The following CPNE2 variants were observed in gnomAD, a reference collection of about 807,000 sequenced individuals.
CPNE2 encodes the protein copine-2.
A neutral mutation model predicts 69.7 loss-of-function variants in CPNE2; 42 were observed. The ratio of observed to expected loss-of-function variants is 0.60; its 90% CI spans 0.47 to 0.78. The LOEUF is 0.78. Ranked by LOEUF, CPNE2 falls within the 30% of genes least tolerant of loss-of-function variation. CPNE2 has a pLI of 0.00. For missense variants in CPNE2, 587 were observed against 732.0 expected, an observed-to-expected ratio of 0.80 and a Z score of 2.29; for synonymous variants, 294 against 289.8, an observed-to-expected ratio of 1.01 and a Z score of -0.15.
intron 1 of CPNE2, among the ~76,000 whole-genome samples, chr16:57,109,775 A>G (rs2069669173): frequency 1.3e-5 from 2 of 152,190 alleles, no homozygotes; most frequent in African/African-American, 2.4e-5. Context: ...TTTATCAGCA[A>G]GGTCTTTATG....
In CPNE2 at chr16:57,119,665, G is replaced by GAT; in HGVS notation, c.681+15_681+16insAT. 1 of 1,581,200 alleles carries GAT rather than the reference G, an allele frequency of 6.3e-7. No homozygotes were observed. Among genetic ancestry groups the GAT allele is most frequent in the Non-Finnish European group, 8.6e-7 (1 of 1,159,564 alleles). On this transcript the variant is annotated intron_variant, in intron 7 of 15. Transcript: ENST00000290776. Reference sequence around the variant, plus strand: ...AGCCCATCCAGGTGAGGGGGCTCTGGGGACCCTGCTCCCCACCTTGCCAGC... The same window carrying GAT: ...AGCCCATCCAGGTGAGGGGGCTCTGGATGGACCCTGCTCCCCACCTTGCCAGC...
intron 9 of CPNE2, among the ~76,000 whole-genome samples, chr16:57,122,749 C>T (rs991201168): frequency 2.0e-5 from 3 of 152,062 alleles, no homozygotes; most frequent in Admixed American, 6.6e-5. Flanking sequence ...CATGCCACTA[C>T]GCCTGGCTAA....
intron 4 of CPNE2, among the ~76,000 whole-genome samples, chr16:57,117,177 G>A (rs1392702406): frequency 6.6e-6 from 1 of 152,042 alleles, no homozygotes; most frequent in Non-Finnish European, 1.5e-5. Flanking sequence ...CTGCTCTCTG[G>A]GCCAGAACCT....
intron 3 of CPNE2, 73 bp downstream of exon 3, chr16:57,113,540 C>T: frequency 2.1e-6 from 3 of 1,448,964 alleles, no homozygotes; most frequent in Non-Finnish European, 2.8e-6. Flanking sequence ...TCTTCTCGTG[C>T]TGTCTTTCCC....
At chr16:57,113,179 C>A in intron 2 of CPNE2, 109 bp from the exon 3 acceptor site, 1 of 1,017,156 alleles carries the variant, frequency 9.8e-7, no homozygotes, top group Non-Finnish European at 1.5e-6. Context: ...CCACAAGAGC[C>A]TGGCACAGAG....
In CPNE2 at chr16:57,146,373, T is replaced by C. The variant is rs2069958695; in HGVS notation, c.1539+52T>C. On this transcript the variant is annotated intron_variant, in intron 15 of 15. Coordinates refer to ENST00000290776, the MANE Select transcript of CPNE2 (RefSeq NM_152727.6). This position sits in a 1 kb window ranked among gnomAD's most constrained non-coding sequence, Gnocchi z 4.4. ...GGCGGTTACAGGATCCCAGCCACCA[T>C]AGCTCATAATCAAGCTTGAGAGTCT... The C allele has an allele frequency of 1.4e-6, 2 of 1,413,994 alleles. No homozygotes were observed. The highest frequency in any genetic ancestry group is 2.7e-5 in the South Asian group (2 of 73,976). 87.6% of individuals were successfully genotyped at this position (1,413,994 alleles called of 1,614,324 possible).
chr16:57,114,915 A>G (rs2069707042), intron 3 of CPNE2, among the ~76,000 whole-genome samples: 1 of 135,492 alleles, frequency 7.4e-6, no homozygotes, highest in Non-Finnish European at 1.5e-5. Context: ...TGAGCAACAT[A>G]ATGAGCCCTT....
At chr16:57,109,663 G>T (rs957037465) in intron 1 of CPNE2, among the ~76,000 whole-genome samples, 1 of 152,142 alleles carries the variant, frequency 6.6e-6, no homozygotes, top group East Asian at 1.9e-4. Context: ...CATGGCATTT[G>T]TAAACTGTCA....
intron 11 of CPNE2, among the ~76,000 whole-genome samples, chr16:57,126,548 G>A (rs111903952): frequency 4.6e-5 from 7 of 152,246 alleles, no homozygotes; most frequent in African/African-American, 1.4e-4. Context: ...GTGTGAAAGT[G>A]TGGCAGGTGT....
rs745934848 is a variant in CPNE2 at position 57,117,534 on chromosome 16, A to C, written c.474A>C (p.Thr158=). The C allele has an allele frequency of 3.7e-6, 6 of 1,613,754 alleles. No homozygotes were observed. Among genetic ancestry groups the C allele is most frequent in the Admixed American group, 1.7e-5 (1 of 59,994 alleles). The change falls in exon 5 of 16, where the codon ACA becomes ACC. Residue 158 remains threonine, a synonymous_variant. Transcript: ENST00000290776. ...AGCTGTCCGACAACCGCGTCATCACACTAAGCCTGGCGGGCAGGAGGCTGG... is the reference window on the plus strand; with the variant it reads ...AGCTGTCCGACAACCGCGTCATCACCCTAAGCCTGGCGGGCAGGAGGCTGG... ...AQELSDNRVI[T]LSLAGRRLDK...
chr16:57,103,734 C>G (rs1011373035), intron 1 of CPNE2, among the ~76,000 whole-genome samples: 4 of 152,218 alleles, frequency 2.6e-5, no homozygotes, highest in Non-Finnish European at 5.9e-5. Context: ...GCAGCTCCTC[C>G]CCGACAGTGA....
intron 3 of CPNE2, among the ~76,000 whole-genome samples, chr16:57,114,685 G>A (rs1320492081): frequency 6.6e-6 from 1 of 152,196 alleles, no homozygotes; most frequent in African/African-American, 2.4e-5. Flanking sequence ...GCTGGCCCCT[G>A]AGTGCAGTGG....
At position 57,146,301 on chromosome 16, in the gene CPNE2, C is replaced by G; in HGVS notation, c.1519C>G (p.Pro507Ala). ...EAARDIVQFV[P>A]FREFRNAAKE... ...AGCCCGCGATATTGTGCAGTTCGTT[C>G]CCTTTCGAGAGTTCCGCAACGTGAG... The change falls in exon 15 of 16, where the codon CCC becomes GCC. Residue 507 changes from proline (P) to alanine (A), a missense_variant. Physicochemically the swap from Pro to Ala is conservative, Grantham distance 27. This residue lies in a region of CPNE2 where 185 missense variants were observed against 252.3 expected (regional missense o/e 0.73). Coordinates refer to ENST00000290776, the MANE Select transcript of CPNE2 (RefSeq NM_152727.6). The surrounding 1 kb of genome is among the most constrained non-coding windows in gnomAD (Gnocchi z 4.4). 6.4e-7 allele frequency: 1 copy of G among 1,552,590 alleles called. No individual in the cohort carries two copies. The highest frequency in any genetic ancestry group is 8.7e-7 in the Non-Finnish European group (1 of 1,146,866).
chr16:57,135,408 C>T (rs752122283), intron 13 of CPNE2, among the ~76,000 whole-genome samples: 12 of 152,188 alleles, frequency 7.9e-5, no homozygotes, highest in Non-Finnish European at 1.6e-4. Context: ...GTGGCTCATG[C>T]CTGTAATCCC....
chr16:57,142,215 G>A (rs2069927416), intron 14 of CPNE2: 2 of 152,362 alleles, frequency 1.3e-5, no homozygotes, highest in Non-Finnish European at 2.9e-5. Context: ...GAGGCAGGGA[G>A]ACTAAGCCTG....
At chr16:57,133,730 C>T (rs2069855657) in intron 12 of CPNE2, among the ~76,000 whole-genome samples, 1 of 152,146 alleles carries the variant, frequency 6.6e-6, no homozygotes, top group African/African-American at 2.4e-5. Context: ...GCAGCCTGAC[C>T]TCAGTTCGAG....
At position 57,137,267 on chromosome 16, in the gene CPNE2, A is replaced by G. The variant is rs749474311; in HGVS notation, c.1287A>G (p.Gln429=). ...CCCGGTTTGCGGCCCAGGCCACACA[A>G]CAGCGGACGGCCACGGTGAGTAGGC... ...HVARFAAQAT[Q]QRTATQYFIL... Residue 429 remains glutamine, a synonymous_variant, in exon 14 of 16, where the codon CAA becomes CAG. Coordinates refer to ENST00000290776, the MANE Select transcript of CPNE2 (RefSeq NM_152727.6). 7 of 1,614,184 alleles carry G rather than the reference A, an allele frequency of 4.3e-6. No homozygotes were observed. In the East Asian group the frequency reaches 1.6e-4, roughly 36 times the overall value.
rs765367627 is a variant in CPNE2 at position 57,127,846 on chromosome 16, T to G, written c.1062-3T>G. The G allele has an allele frequency of 6.2e-7, 1 of 1,612,820 alleles. No individual in the cohort carries two copies. The highest frequency in any genetic ancestry group is 8.5e-7 in the Non-Finnish European group (1 of 1,179,926). On this transcript the variant is annotated splice_polypyrimidine_tract_variant and splice_region_variant and intron_variant, in intron 11 of 15. Transcript: ENST00000290776. ...AGTGTGTTTCTCTTCTCTCTCTGAT[T>G]AGTGATAAGATGTTTCCAGCTCTGG...
At chr16:57,135,690 A>G (rs1179455476) in intron 13 of CPNE2, among the ~76,000 whole-genome samples, 3 of 151,514 alleles carry the variant, frequency 2.0e-5, no homozygotes, top group Non-Finnish European at 4.4e-5. Flanking sequence ...CCTGGCCAAG[A>G]TTGTGAAACC....
Sources: gnomAD v4.1 joint callset for allele counts (sites outside exome capture counted in the v4.1 genomes callset) on GRCh38, gnomAD v4.1.1 for gene constraint, gnomAD v4.1.1 regional missense constraint, Gnocchi (gnomAD v3.1) non-coding constraint, MANE v1.5 for transcripts, NCBI Gene and HGNC (gene_info 2026-07-23, HGNC 2026-07-21) for gene names.